FER1L6: variants seen among roughly 807,000 people sequenced by gnomAD.
FER1L6 encodes fer-1-like protein 6.
Under a neutral mutation model 219.2 loss-of-function variants are expected in FER1L6, and 177 were observed. The ratio of observed to expected loss-of-function variants is 0.81; its 90% CI spans 0.71 to 0.91. FER1L6 has a LOEUF of 0.91. Among genes scored for constraint, FER1L6 ranks in the 40% least tolerant of loss-of-function variants. The probability of loss-of-function intolerance (pLI) is 0.00; values close to 1 mark genes in which losing one functional copy is unlikely to be tolerated. For missense variants in FER1L6, 2,153 were observed against 2,259.9 expected (o/e 0.95, Z 0.96); for synonymous variants, 768 against 824.3 (o/e 0.93, Z 1.17).
intron 1 of FER1L6, among the ~76,000 whole-genome samples, chr8:123,941,679 A>G (rs1814248750): frequency 6.6e-6 from 1 of 152,228 alleles, no homozygotes; most frequent in Non-Finnish European, 1.5e-5. Context: ...GCAGAAAAAT[A>G]AAAGGAGAAA....
intron 25 of FER1L6, 135 bp downstream of exon 25, chr8:124,062,167 C>G: frequency 1.2e-6 from 1 of 845,548 alleles, no homozygotes; most frequent in Non-Finnish European, 1.8e-6. Flanking sequence ...GAGCTTGCTC[C>G]TGCAGGGGCC....
chr8:124,108,953 C>T (rs1261863600), intron 39 of FER1L6, among the ~76,000 whole-genome samples: 7 of 152,106 alleles, frequency 4.6e-5, no homozygotes, highest in Admixed American at 4.6e-4. Flanking sequence ...CTCTTAACTA[C>T]TTTATAAATG....
chr8:123,976,983 T>C (rs1398195417), intron 9 of FER1L6, among the ~76,000 whole-genome samples: 1 of 152,176 alleles, frequency 6.6e-6, no homozygotes, highest in Non-Finnish European at 1.5e-5. Context: ...TTGGCAGGGG[T>C]GAACACTGAA....
intron 39 of FER1L6, 114 bp from the exon 40 acceptor site, chr8:124,118,730 G>A (rs559190226): frequency 1.8e-5 from 16 of 872,674 alleles, no homozygotes; most frequent in African/African-American, 1.0e-4. Context: ...ATAAAGCAGC[G>A]GGATAATCAA....
At chr8:123,886,334 G>T (rs1817202461) in intron 1 of FER1L6, among the ~76,000 whole-genome samples, 1 of 152,128 alleles carries the variant, frequency 6.6e-6, no homozygotes, top group Admixed American at 6.5e-5. Context: ...TGAGCCTTTG[G>T]TGCCATTCTC....
chr8:123,940,855 C>A (rs1814213129), intron 1 of FER1L6, among the ~76,000 whole-genome samples: 1 of 152,122 alleles, frequency 6.6e-6, no homozygotes, highest in South Asian at 2.1e-4. Flanking sequence ...ACATCCTAGT[C>A]AGGGCTAAAT....
At chr8:123,856,306 A>ATGTGTGTGTG (rs1397663136) in intron 1 of FER1L6, among the ~76,000 whole-genome samples, 1 of 74,936 alleles carries the variant, frequency 1.3e-5, no homozygotes, top group African/African-American at 5.8e-5. Flanking sequence ...ATATATATAT[A>ATGTGTGTGTG]TATGTATGTG....
chr8:123,887,501 A>G (rs879393720), intron 1 of FER1L6, among the ~76,000 whole-genome samples: 13 of 152,200 alleles, frequency 8.5e-5, no homozygotes, highest in Non-Finnish European at 1.0e-4. Flanking sequence ...TTGACTTGGA[A>G]GAACTGCCTT....
At chr8:123,865,788 C>G (rs1420745515) in intron 1 of FER1L6, among the ~76,000 whole-genome samples, 1 of 151,454 alleles carries the variant, frequency 6.6e-6, no homozygotes, top group East Asian at 1.9e-4. Context: ...AAAGGGAACT[C>G]CCTGACCACT....
intron 26 of FER1L6, 92 bp downstream of exon 26, chr8:124,064,665 T>C (rs1316946766): frequency 3.7e-6 from 4 of 1,089,936 alleles, no homozygotes; most frequent in African/African-American, 1.6e-5. Flanking sequence ...AGTGTGACCA[T>C]GGGCAAGCAG....
intron 39 of FER1L6, among the ~76,000 whole-genome samples, chr8:124,112,645 C>CTA (rs1221587107): frequency 6.6e-6 from 1 of 152,154 alleles, no homozygotes; most frequent in East Asian, 1.9e-4. Flanking sequence ...AACCAAAACT[C>CTA]TAAGGGAGGT....
At position 123,979,548 on chromosome 8, in the gene FER1L6, C is replaced by T. The variant is rs749616139; in HGVS notation, c.1064-917C>T. On this transcript the variant is annotated intron_variant, in intron 10 of 40. Transcript: ENST00000522917. Reference sequence around the variant, plus strand: ...GCCTGTCATCGAGCTGTTGCCATAGCGATGTTCCCATAGACACTGCATTTT... The same window carrying T: ...GCCTGTCATCGAGCTGTTGCCATAGTGATGTTCCCATAGACACTGCATTTT... 2.2e-4 allele frequency among the ~76,000 whole-genome samples: 34 copies of T among 152,260 alleles called. 1 individual carries two copies. The highest frequency in any genetic ancestry group is 7.5e-4 in the African/African-American group (31 of 41,546).
chr8:123,862,723 G>C (rs200297724), intron 1 of FER1L6, among the ~76,000 whole-genome samples: 9,047 of 120,394 alleles, frequency 0.075, 326 homozygotes, highest in Middle Eastern at 0.12. Flanking sequence ...TGTATGTGTC[G>C]AGGAATGTAT....
rs531711129 is a variant in FER1L6 at position 123,894,352 on chromosome 8, C to T, written c.-8+42167C>T. ...AGGAAGATGGATTTGTGACTGATTT[C>T]CCATCTTCTTGGCTGCAGCACCTGA... is the stretch of plus-strand genomic sequence containing the variant. On this transcript the variant is annotated intron_variant, in intron 1 of 40. Transcript: ENST00000522917. Among the ~76,000 whole-genome samples, 17 of 152,274 alleles carry T rather than the reference C, an allele frequency of 1.1e-4. 1 individual carries two copies. The South Asian group carries it at 3.3e-3, about 30-fold the overall frequency.
chr8:123,980,844 C>T, intron 11 of FER1L6, 33 bp downstream of exon 11: 1 of 1,551,112 alleles, frequency 6.4e-7, no homozygotes, highest in Non-Finnish European at 8.8e-7. Context: ...GGTACTTTAC[C>T]TATGAGGTGA....
rs1209469492 is a variant in FER1L6 at position 124,114,521 on chromosome 8, T to G, written c.5290-4323T>G. On this transcript the variant is annotated intron_variant, in intron 39 of 40. Transcript: ENST00000522917. ...CAAAGAAACAAAAATCAGGGATTTT[T>G]GGGGAAATGGCTGACTCCAGGTCTA... Among the ~76,000 whole-genome samples, 6 of 152,130 alleles carry G rather than the reference T, an allele frequency of 3.9e-5. No individual in the cohort carries two copies. The East Asian group carries it at 9.7e-4, about 25-fold the overall frequency.
chr8:123,992,533 G>T (rs1334615498), intron 12 of FER1L6, among the ~76,000 whole-genome samples: 1 of 151,924 alleles, frequency 6.6e-6, no homozygotes, highest in Non-Finnish European at 1.5e-5. Context: ...TTGTATTTTT[G>T]TTGTATCAGT....
intron 12 of FER1L6, among the ~76,000 whole-genome samples, chr8:123,995,514 G>A (rs1379427587): frequency 6.6e-6 from 1 of 151,984 alleles, no homozygotes; most frequent in African/African-American, 2.4e-5. Flanking sequence ...AATATGTGTT[G>A]TAATGTCTCC....
intron 13 of FER1L6, among the ~76,000 whole-genome samples, chr8:124,009,068 C>A (rs1817795135): frequency 6.6e-6 from 1 of 151,870 alleles, no homozygotes. Context: ...AAAGGTAACA[C>A]TTCTACACTG....
Sources: gnomAD v4.1 joint callset for allele counts (sites outside exome capture counted in the v4.1 genomes callset) on GRCh38, gnomAD v4.1.1 for gene constraint, MANE v1.5 for transcripts, NCBI Gene and HGNC (gene_info 2026-07-23, HGNC 2026-07-21) for gene names.